RIMS1: variants seen among roughly 807,000 people sequenced by gnomAD.
RIMS1 encodes the protein regulating synaptic membrane exocytosis protein 1.
Under a neutral mutation model 214.1 loss-of-function variants are expected in RIMS1, and 83 were observed. The ratio of observed to expected loss-of-function variants is 0.39; its 90% confidence interval spans 0.32 to 0.47. The LOEUF is 0.47. Ranked by LOEUF, RIMS1 falls within the 20% of genes least tolerant of loss-of-function variation. The probability of loss-of-function intolerance (pLI) is 0.99; values close to 1 mark genes in which losing one functional copy is unlikely to be tolerated. For missense variants in RIMS1, 2,050 were observed against 2,161.8 expected, an observed-to-expected ratio of 0.95 and a Z score of 1.03; for synonymous variants, 793 against 786.8, an observed-to-expected ratio of 1.01 and a Z score of -0.13.
intron 26 of RIMS1, among the ~76,000 whole-genome samples, chr6:72,294,830 T>C (rs1223180851): frequency 6.6e-6 from 1 of 151,718 alleles, no homozygotes; most frequent in African/African-American, 2.4e-5. Context: ...TATGTTGAAG[T>C]AGATTTAGGG....
chr6:72,289,971 A>G (rs2093076953), intron 24 of RIMS1, among the ~76,000 whole-genome samples: 2 of 152,184 alleles, frequency 1.3e-5, no homozygotes. Context: ...CTTTATAATA[A>G]TTTTAAACGC....
intron 2 of RIMS1, among the ~76,000 whole-genome samples, chr6:72,031,830 A>T (rs1448599041): frequency 6.6e-6 from 1 of 152,206 alleles, no homozygotes; most frequent in Admixed American, 6.6e-5. Context: ...ATGCATAGCA[A>T]TATACTCTGT....
intron 2 of RIMS1, among the ~76,000 whole-genome samples, chr6:72,033,895 A>C (rs1562164623): frequency 2.6e-5 from 4 of 152,122 alleles, no homozygotes. Flanking sequence ...GTTTATAGAA[A>C]TTTTTTTAAA....
chr6:72,299,532 T>TTAAG (rs1208309687), intron 26 of RIMS1, among the ~76,000 whole-genome samples: 1 of 151,878 alleles, frequency 6.6e-6, no homozygotes, highest in African/African-American at 2.4e-5. Context: ...TATATTTTTT[T>TTAAG]TAAGTACCAG....
chr6:71,966,560 T>C (rs1794492690), intron 1 of RIMS1, among the ~76,000 whole-genome samples: 2 of 152,236 alleles, frequency 1.3e-5, no homozygotes, highest in East Asian at 1.9e-4. Context: ...TCTAACTCTG[T>C]CGCCCAGGCT....
chr6:72,090,301 C>T (rs1835875348), intron 2 of RIMS1, among the ~76,000 whole-genome samples: 1 of 152,066 alleles, frequency 6.6e-6, no homozygotes, highest in Non-Finnish European at 1.5e-5. Flanking sequence ...GCCACTGTGC[C>T]TGGCCTGATG....
At chr6:72,279,161 A>C (rs181887849) in intron 23 of RIMS1, among the ~76,000 whole-genome samples, 1 of 152,140 alleles carries the variant, frequency 6.6e-6, no homozygotes, top group East Asian at 1.9e-4. Flanking sequence ...ACGTCTTTAG[A>C]GAGTTACCCT....
intron 28 of RIMS1, among the ~76,000 whole-genome samples, chr6:72,319,144 G>A (rs990856184): frequency 3.9e-5 from 6 of 152,110 alleles, no homozygotes; most frequent in African/African-American, 1.2e-4. Context: ...TTTATCCCAA[G>A]TTAGAGGGCA....
chr6:71,966,213 A>G (rs1420436008), intron 1 of RIMS1, among the ~76,000 whole-genome samples: 1 of 152,246 alleles, frequency 6.6e-6, no homozygotes, highest in Non-Finnish European at 1.5e-5. Context: ...TTCAATAGCT[A>G]GCTACATTGC....
intron 9 of RIMS1, among the ~76,000 whole-genome samples, chr6:72,240,736 C>T (rs777705307): frequency 4.7e-5 from 7 of 148,536 alleles, no homozygotes; most frequent in Non-Finnish European, 1.0e-4. Flanking sequence ...TGGCCGGGCA[C>T]GGTGACTCAC....
intron 30 of RIMS1, 158 bp downstream of exon 30, chr6:72,390,894 A>C (rs1261276363): frequency 1.4e-6 from 1 of 697,378 alleles, no homozygotes; most frequent in Non-Finnish European, 2.3e-6. Flanking sequence ...AAGTAAGTAC[A>C]CATGGACACA....
intron 2 of RIMS1, among the ~76,000 whole-genome samples, chr6:72,072,602 T>TGTTATTCATTC (rs1347816511): frequency 2.6e-5 from 4 of 152,322 alleles, no homozygotes; most frequent in African/African-American, 9.6e-5. Flanking sequence ...AACATTCATT[T>TGTTATTCATTC]GTTATTCATT....
intron 6 of RIMS1, chr6:72,216,428 A>G: frequency 5.9e-5 from 58 of 985,422 alleles, no homozygotes; most frequent in Non-Finnish European, 6.7e-5. Flanking sequence ...CGTTAGCACT[A>G]GGCTGGCCGT....
At chr6:72,221,672 T>C (rs1294920300) in intron 6 of RIMS1, among the ~76,000 whole-genome samples, 1 of 152,010 alleles carries the variant, frequency 6.6e-6, no homozygotes, top group Admixed American at 6.6e-5. Flanking sequence ...CTGGCTCTTT[T>C]ATTTTGAAAT....
At chr6:72,377,858 T>G (rs575901958) in intron 29 of RIMS1, among the ~76,000 whole-genome samples, 113 of 152,304 alleles carry the variant, frequency 7.4e-4, no homozygotes, top group African/African-American at 2.5e-3. Context: ...ATTCTTTCCT[T>G]GTAACATTTA....
intron 2 of RIMS1, among the ~76,000 whole-genome samples, chr6:71,971,969 T>C (rs904137419): frequency 2.0e-5 from 3 of 152,090 alleles, no homozygotes; most frequent in Admixed American, 6.6e-5. Context: ...TCCAAGCATA[T>C]ATATCTAACA....
intron 2 of RIMS1, among the ~76,000 whole-genome samples, chr6:72,087,803 C>A (rs187183232): frequency 6.6e-6 from 1 of 152,152 alleles, no homozygotes. Flanking sequence ...CATATTTATC[C>A]CACTATAAAA....
intron 4 of RIMS1, among the ~76,000 whole-genome samples, chr6:72,143,692 T>C (rs895941915): frequency 1.3e-5 from 2 of 152,212 alleles, no homozygotes; most frequent in Non-Finnish European, 2.9e-5. Flanking sequence ...TAGCACTGCC[T>C]GTGAAGATCA....
At chr6:71,979,121 A>G (rs1053398147) in intron 2 of RIMS1, among the ~76,000 whole-genome samples, 2 of 152,112 alleles carry the variant, frequency 1.3e-5, no homozygotes, top group African/African-American at 4.8e-5. Flanking sequence ...CTGAATGCTC[A>G]GAGAAGATGG....
Sources: allele counts gnomAD v4.1 joint callset (sites outside exome capture counted in the v4.1 genomes callset), GRCh38; gene constraint gnomAD v4.1.1; transcripts MANE v1.5; gene names NCBI Gene and HGNC (gene_info 2026-07-23, HGNC 2026-07-21).